PKHD1L1: variants seen among roughly 807,000 people sequenced by gnomAD.
PKHD1L1 encodes PKHD1 like 1.
Under a neutral mutation model 462.9 loss-of-function variants are expected in PKHD1L1, and 434 were observed. That is an observed-to-expected ratio of 0.94 (90% confidence interval 0.87 to 1.02). PKHD1L1 has a LOEUF of 1.02. Among genes scored for constraint, PKHD1L1 ranks in the 50% least tolerant of loss-of-function variants. The pLI, the probability that PKHD1L1 is intolerant of heterozygous loss-of-function variation, is 0.00. For synonymous variants in PKHD1L1, 1,781 were observed against 1,750.0 expected, an observed-to-expected ratio of 1.02 and a Z score of -0.44; for missense variants, 5,202 against 5,096.1, an observed-to-expected ratio of 1.02 and a Z score of -0.63.
chr8:109,487,932 GGAAGGAAGGAAA>G (rs1261692593), intron 59 of PKHD1L1, among the ~76,000 whole-genome samples: 38 of 150,762 alleles, frequency 2.5e-4, no homozygotes, highest in African/African-American at 4.9e-4. Flanking sequence ...AAGGAAGGAA[GGAAGGAAGGAAA>G]GAAGGAAGGA....
In PKHD1L1 at chr8:109,518,590, C is replaced by T; in HGVS notation, c.12031+82C>T. 7 of 1,215,192 alleles carry T rather than the reference C, an allele frequency of 5.8e-6. No homozygotes were observed. The South Asian group carries it at 1.1e-4, about 19-fold the overall frequency. 75.3% of individuals were successfully genotyped at this position (1,215,192 alleles called of 1,614,324 possible). ...AATAACCTGATCAGGGCTTGGTGAG[C>T]CTGGCCTCAGGAAATCCCATCAACC... On this transcript the variant is annotated intron_variant, in intron 73 of 77. Coordinates refer to ENST00000378402, the MANE Select transcript of PKHD1L1 (RefSeq NM_177531.6).
At position 109,362,573 on chromosome 8, in the gene PKHD1L1, G is replaced by T. The variant is rs1222962291; in HGVS notation, c.-8G>T. On this transcript the variant is annotated 5_prime_UTR_variant, in exon 1 of 78. Coordinates refer to ENST00000378402, the MANE Select transcript of PKHD1L1 (RefSeq NM_177531.6). ...GGAGGGCACCAACTCCGCAGAACTG[G>T]CTTTTCAATGGGACACCTGTGGCTC... The T allele has an allele frequency of 6.2e-7, 1 of 1,605,162 alleles. No homozygotes were observed. Among genetic ancestry groups the T allele is most frequent in the Non-Finnish European group, 8.5e-7 (1 of 1,175,982 alleles).
At chr8:109,414,122 C>T (rs7820734) in intron 21 of PKHD1L1, among the ~76,000 whole-genome samples, 28,993 of 151,966 alleles carry the variant, frequency 0.19, 2,871 homozygotes, top group South Asian at 0.29. Context: ...ATTTTTATAT[C>T]TTCTGAAATT....
chr8:109,384,212 C>T (rs1050618213), intron 5 of PKHD1L1, 85 bp downstream of exon 5: 3 of 1,065,620 alleles, frequency 2.8e-6, no homozygotes, highest in Non-Finnish European at 4.2e-6. Flanking sequence ...AGTATAATTC[C>T]TGCAATTTTT....
chr8:109,520,491 G>C (rs1468241774), intron 73 of PKHD1L1, among the ~76,000 whole-genome samples: 1 of 152,130 alleles, frequency 6.6e-6, no homozygotes, highest in Non-Finnish European at 1.5e-5. Flanking sequence ...TAGCTTGTTA[G>C]ATTTATCCAG....
At chr8:109,455,834 C>G (rs750095691) in intron 45 of PKHD1L1, among the ~76,000 whole-genome samples, 94 of 152,100 alleles carry the variant, frequency 6.2e-4, no homozygotes, top group Non-Finnish European at 1.2e-3. Flanking sequence ...CATAAAAGTC[C>G]TACATAGGGC....
rs1813273836 is a variant in PKHD1L1 at position 109,401,530 on chromosome 8, A to G, written c.1315A>G (p.Ser439Gly). 4 of 1,595,644 alleles carry G rather than the reference A, an allele frequency of 2.5e-6. No individual in the cohort carries two copies. Among genetic ancestry groups the G allele is most frequent in the Non-Finnish European group, 2.6e-6 (3 of 1,164,780 alleles). ...RIAYHSANAN[S>G]YFSSPTQRSD... The stretch of plus-strand genomic sequence containing the variant: ...TGCATATCATTCTGCTAATGCCAAC[A>G]GTTATTTTTCCAGTCCAACACAAAG... Residue 439 changes from serine (S) to glycine (G), a missense_variant, in exon 14 of 78, where the codon AGT (serine) becomes GGT (glycine). By Grantham distance (56) the Ser-to-Gly change is moderately conservative (BLOSUM62 0). Coordinates refer to ENST00000378402, the MANE Select transcript of PKHD1L1 (RefSeq NM_177531.6).
chr8:109,452,943 A>C, intron 43 of PKHD1L1, 69 bp downstream of exon 43: 1 of 1,217,186 alleles, frequency 8.2e-7, no homozygotes, highest in Non-Finnish European at 1.1e-6. Context: ...ATTTAATCAA[A>C]ATCCACAATT....
chr8:109,477,973 A>G (rs1016955061), intron 53 of PKHD1L1, among the ~76,000 whole-genome samples: 2 of 152,244 alleles, frequency 1.3e-5, no homozygotes, highest in African/African-American at 2.4e-5. Context: ...TAGAGTAATT[A>G]CTGGACATGA....
intron 7 of PKHD1L1, 75 bp downstream of exon 7, chr8:109,388,625 T>C: frequency 1.0e-6 from 1 of 959,320 alleles, no homozygotes; most frequent in Non-Finnish European, 1.6e-6. Flanking sequence ...TAGTAATTGC[T>C]ACCAATACTG....
chr8:109,454,083 T>G (rs986281226), intron 43 of PKHD1L1, 84 bp from the exon 44 acceptor site: 21 of 724,614 alleles, frequency 2.9e-5, no homozygotes, highest in African/African-American at 1.8e-5. Context: ...TTAATAATTA[T>G]GTTAAATTGT....
Position 109,398,456 on chromosome 8 carries a change from T to G in PKHD1L1, c.923-3T>G. 6.5e-7 allele frequency: 1 copy of G among 1,528,026 alleles called. No homozygotes were observed. The highest frequency in any genetic ancestry group is 8.9e-7 in the Non-Finnish European group (1 of 1,121,932). 94.7% of individuals were successfully genotyped at this position (1,528,026 alleles called of 1,614,324 possible). A position where few individuals can be genotyped will look rare whatever the true frequency, so the allele number is the denominator to read the frequency against. Reference sequence around the variant, plus strand: ...AACGGTTTTGTATCTTGCTTCTCTATAGGTGAACCTTGTGATATTTTGAAT... The same window carrying G: ...AACGGTTTTGTATCTTGCTTCTCTAGAGGTGAACCTTGTGATATTTTGAAT... On this transcript the variant is annotated splice_region_variant and splice_polypyrimidine_tract_variant and intron_variant, in intron 11 of 77. Coordinates refer to ENST00000378402, the MANE Select transcript of PKHD1L1 (RefSeq NM_177531.6).
At chr8:109,470,481 G>A in intron 50 of PKHD1L1, 1 of 1,609,522 alleles carries the variant, frequency 6.2e-7, no homozygotes, top group Non-Finnish European at 8.5e-7. Flanking sequence ...TAGCGCTAGA[G>A]GAAGCATCAC....
chr8:109,394,578 A>G (rs1017025509), intron 10 of PKHD1L1, 93 bp downstream of exon 10: 31 of 775,538 alleles, frequency 4.0e-5, no homozygotes, highest in Non-Finnish European at 5.5e-5. Context: ...TGTAAGGTGT[A>G]TTATATTATT....
At chr8:109,408,396 C>T (rs1015845424) in intron 18 of PKHD1L1, among the ~76,000 whole-genome samples, 190 bp downstream of exon 18, 4 of 152,244 alleles carry the variant, frequency 2.6e-5, no homozygotes, top group African/African-American at 4.8e-5. Context: ...AAGAGTCAAC[C>T]TAGTGCAGCC....
chr8:109,514,827 G>T (rs1392139236), intron 71 of PKHD1L1, among the ~76,000 whole-genome samples: 4 of 151,992 alleles, frequency 2.6e-5, no homozygotes, highest in African/African-American at 9.7e-5. Context: ...GCATTATACA[G>T]AGTATAGCTA....
At chr8:109,482,573 T>C (rs1434029860) in intron 56 of PKHD1L1, among the ~76,000 whole-genome samples, 1 of 151,804 alleles carries the variant, frequency 6.6e-6, no homozygotes, top group East Asian at 1.9e-4. Context: ...ATTACGCAGT[T>C]TTCTTTTCTC....
At chr8:109,431,825 A>G (rs544226608) in intron 27 of PKHD1L1, among the ~76,000 whole-genome samples, 1 of 152,302 alleles carries the variant, frequency 6.6e-6, no homozygotes, top group South Asian at 2.1e-4. Flanking sequence ...GAGCTTCTTT[A>G]GAGTATATAC....
At chr8:109,466,141 G>C (rs956340170) in intron 49 of PKHD1L1, among the ~76,000 whole-genome samples, 2 of 152,156 alleles carry the variant, frequency 1.3e-5, no homozygotes, top group East Asian at 3.8e-4. Flanking sequence ...ACTTTAAAGA[G>C]GGAGAATGTT....
Sources: allele counts gnomAD v4.1 joint callset (sites outside exome capture counted in the v4.1 genomes callset), GRCh38; gene constraint gnomAD v4.1.1; transcripts MANE v1.5; gene names NCBI Gene and HGNC (gene_info 2026-07-23, HGNC 2026-07-21).